The following SCAPER variants were observed in gnomAD, a reference collection of about 807,000 sequenced individuals.
The protein encoded by SCAPER is S-phase cyclin A associated protein in the ER, also known as S phase cyclin A-associated protein in the endoplasmic reticulum.
A neutral mutation model predicts 182.2 loss-of-function variants in SCAPER; 98 were observed. The observed-to-expected ratio is 0.54, with a 90% confidence interval of 0.46 to 0.64. SCAPER has a LOEUF of 0.64. Among genes scored for constraint, SCAPER ranks in the 30% least tolerant of loss-of-function variants. The pLI is 0.00. For synonymous variants in SCAPER, 605 were observed against 564.6 expected (o/e 1.07, Z -1.01); for missense variants, 1,432 against 1,690.0 (o/e 0.85, Z 2.68).
chr15:76,502,980 G>A (rs935446764), intron 24 of SCAPER, among the ~76,000 whole-genome samples: 24 of 152,134 alleles, frequency 1.6e-4, no homozygotes, highest in African/African-American at 5.8e-4. Flanking sequence ...AATGACAATA[G>A]CAGCTTTTGG....
intron 1 of SCAPER, among the ~76,000 whole-genome samples, chr15:76,887,968 G>GC (rs1408577959): frequency 6.6e-6 from 1 of 152,204 alleles, no homozygotes; most frequent in African/African-American, 2.4e-5. Flanking sequence ...GGAGGGTCAG[G>GC]CAGCAATATT....
chr15:76,803,315 G>T (rs896274386), intron 6 of SCAPER, among the ~76,000 whole-genome samples: 1 of 152,012 alleles, frequency 6.6e-6, no homozygotes, highest in East Asian at 1.9e-4. Context: ...TTTTCTCTTT[G>T]TCTAACTCCT....
intron 21 of SCAPER, among the ~76,000 whole-genome samples, chr15:76,631,481 C>T (rs2053106504): frequency 6.6e-6 from 1 of 152,106 alleles, no homozygotes; most frequent in Admixed American, 6.5e-5. Context: ...GCAAGGCAGG[C>T]CTGGTGGTGA....
At chr15:76,365,373 T>G (rs2041739475) in intron 29 of SCAPER, among the ~76,000 whole-genome samples, 1 of 152,262 alleles carries the variant, frequency 6.6e-6, no homozygotes, top group African/African-American at 2.4e-5. Context: ...TGTTAGGGCC[T>G]CTTTTTCCTT....
chr15:76,792,663 G>C (rs996757120), intron 8 of SCAPER, among the ~76,000 whole-genome samples: 3 of 152,220 alleles, frequency 2.0e-5, no homozygotes, highest in Non-Finnish European at 4.4e-5. Flanking sequence ...TGAATAATGA[G>C]AGACCATGTG....
intron 22 of SCAPER, among the ~76,000 whole-genome samples, chr15:76,609,325 T>TAA (rs577590084): frequency 9.3e-4 from 133 of 143,246 alleles, no homozygotes; most frequent in African/African-American, 1.5e-3. Flanking sequence ...TCTTTTCTCT[T>TAA]AAAAAAAAAA....
At chr15:76,886,756 G>A (rs2073861662) in intron 1 of SCAPER, among the ~76,000 whole-genome samples, 4 of 152,162 alleles carry the variant, frequency 2.6e-5, no homozygotes, top group Admixed American at 2.6e-4. Flanking sequence ...CAACCTAAAT[G>A]CCCTCAATGA....
intron 29 of SCAPER, among the ~76,000 whole-genome samples, chr15:76,365,245 T>C (rs766288495): frequency 6.6e-6 from 1 of 152,158 alleles, no homozygotes; most frequent in Non-Finnish European, 1.5e-5. Context: ...TTTGACACAG[T>C]GTGGGCATTT....
chr15:76,348,837 G>A (rs2040342281), intron 31 of SCAPER, 101 bp from the exon 32 acceptor site: 1 of 665,566 alleles, frequency 1.5e-6, no homozygotes, highest in African/African-American at 1.8e-5. Flanking sequence ...ATAAAATGGA[G>A]ATATCCACTT....
chr15:76,655,815 T>A (rs2055586253), intron 21 of SCAPER, among the ~76,000 whole-genome samples: 1 of 152,046 alleles, frequency 6.6e-6, no homozygotes, highest in Admixed American at 6.5e-5. Flanking sequence ...CTAAGCTTCA[T>A]AAGGGAAGGA....
chr15:76,848,751 T>C (rs1301743298), intron 4 of SCAPER, among the ~76,000 whole-genome samples: 1 of 152,232 alleles, frequency 6.6e-6, no homozygotes, highest in Non-Finnish European at 1.5e-5. Context: ...TTTTAAAATA[T>C]AAAATGTACT....
chr15:76,853,429 CA>C (rs1486648992), intron 4 of SCAPER, among the ~76,000 whole-genome samples: 1 of 151,926 alleles, frequency 6.6e-6, no homozygotes, highest in Non-Finnish European at 1.5e-5. Context: ...AAATCCTCAA[CA>C]AAATACATGC....
At chr15:76,793,338 T>C in intron 8 of SCAPER, 1 of 719,164 alleles carries the variant, frequency 1.4e-6, no homozygotes, top group Admixed American at 2.1e-5. Flanking sequence ...TGTATGCTAA[T>C]GAGTTGACAA....
chr15:76,670,214 C>T (rs1041667908), intron 20 of SCAPER, among the ~76,000 whole-genome samples: 3 of 151,674 alleles, frequency 2.0e-5, no homozygotes, highest in African/African-American at 7.2e-5. Flanking sequence ...ATTTCTAATA[C>T]CTAGAAAAAA....
At chr15:76,566,793 T>C (rs1051275347) in intron 23 of SCAPER, among the ~76,000 whole-genome samples, 2 of 152,110 alleles carry the variant, frequency 1.3e-5, no homozygotes, top group Non-Finnish European at 2.9e-5. Context: ...TTCTTTTATT[T>C]GGAGCAATTT....
chr15:76,778,984 G>T (rs1468412474), intron 8 of SCAPER, among the ~76,000 whole-genome samples: 1 of 151,674 alleles, frequency 6.6e-6, no homozygotes, highest in Non-Finnish European at 1.5e-5. Context: ...AATTACTAAG[G>T]ACAAAAAATA....
intron 27 of SCAPER, among the ~76,000 whole-genome samples, chr15:76,387,436 AT>A (rs1218898815): frequency 1.3e-5 from 2 of 152,224 alleles, no homozygotes; most frequent in Admixed American, 6.5e-5. Flanking sequence ...TATTCAATAC[AT>A]ATGTGTTGAA....
chr15:76,801,815 G>T (rs1233216515), intron 6 of SCAPER, among the ~76,000 whole-genome samples: 1 of 151,996 alleles, frequency 6.6e-6, no homozygotes, highest in Non-Finnish European at 1.5e-5. Flanking sequence ...AGCTACTTGG[G>T]AAGCTGAGGC....
At chr15:76,466,883 T>C (rs929033261) in intron 25 of SCAPER, among the ~76,000 whole-genome samples, 1 of 152,088 alleles carries the variant, frequency 6.6e-6, no homozygotes, top group African/African-American at 2.4e-5. Flanking sequence ...TCTTTAGCAC[T>C]GTGATATGGT....
Sources: gnomAD v4.1 joint callset for allele counts (sites outside exome capture counted in the v4.1 genomes callset) on GRCh38, gnomAD v4.1.1 for gene constraint, MANE v1.5 for transcripts, NCBI Gene and HGNC (gene_info 2026-07-23, HGNC 2026-07-21) for gene names.